Variants in ADAM2 observed in about 807,000 individuals in gnomAD.
The protein encoded by ADAM2 is disintegrin and metalloproteinase domain-containing protein 2.
ADAM2 carries 101 observed loss-of-function variants against 99.3 expected under a neutral mutation model. The ratio of observed to expected loss-of-function variants is 1.02; its 90% CI spans 0.87 to 1.20. The LOEUF (loss-of-function observed/expected upper bound fraction) is 1.20. Among genes scored for constraint, ADAM2 ranks in the 50% most tolerant of loss-of-function variants. The pLI, the probability that ADAM2 is intolerant of heterozygous loss-of-function variation, is 0.00. For missense variants in ADAM2, 948 were observed against 878.7 expected (o/e 1.08, Z -1.00); for synonymous variants, 323 against 287.6 (o/e 1.12, Z -1.25).
At chr8:39,755,014 G>A (rs1208827058) in intron 16 of ADAM2, among the ~76,000 whole-genome samples, 2 of 152,068 alleles carry the variant, frequency 1.3e-5, no homozygotes, top group Admixed American at 6.5e-5. Context: ...TCAGATATGC[G>A]ACTGGATTGA....
intron 6 of ADAM2, among the ~76,000 whole-genome samples, chr8:39,813,400 C>T (rs1416797187): frequency 6.6e-6 from 1 of 152,168 alleles, no homozygotes; most frequent in Non-Finnish European, 1.5e-5. Flanking sequence ...TACCATTTGA[C>T]CCAGCCATCC....
Position 39,777,040 on chromosome 8 carries a change from A to G in ADAM2, c.1013T>C (p.Met338Thr). 1 of 1,578,274 alleles carries G rather than the reference A, an allele frequency of 6.3e-7. No individual in the cohort carries two copies. The highest frequency in any genetic ancestry group is 8.7e-7 in the Non-Finnish European group (1 of 1,148,560). ...GAAATCTTACATTGCTTCTGGATTC[A>G]TAATGCAGACAGCTCCTGAGCACTG... ...KCQCSGAVCI[M>T]NPEAIHFSGV... The change falls in exon 11 of 21, where the codon ATG (methionine) becomes ACG (threonine). Residue 338 changes from methionine (M) to threonine (T), a missense_variant. Coordinates refer to ENST00000265708, the MANE Select transcript of ADAM2 (RefSeq NM_001464.5).
intron 2 of ADAM2, among the ~76,000 whole-genome samples, chr8:39,835,035 T>C (rs1805766011): frequency 6.6e-6 from 1 of 152,194 alleles, no homozygotes; most frequent in Non-Finnish European, 1.5e-5. Flanking sequence ...CATTTTAATT[T>C]AATTACGTCT....
chr8:39,784,187 A>C (rs1803356925), intron 10 of ADAM2, among the ~76,000 whole-genome samples: 1 of 152,182 alleles, frequency 6.6e-6, no homozygotes, highest in Non-Finnish European at 1.5e-5. Context: ...TACTTCTGTG[A>C]ACATTGTTTA....
At chr8:39,745,177 T>C (rs1266399735) in intron 19 of ADAM2, among the ~76,000 whole-genome samples, 1 of 152,234 alleles carries the variant, frequency 6.6e-6, no homozygotes, top group African/African-American at 2.4e-5. Flanking sequence ...GTTAAGTATC[T>C]TTAAACTTTT....
At position 39,788,260 on chromosome 8, in the gene ADAM2, G is replaced by A. The variant is rs952931496; in HGVS notation, c.643-9C>T. 2.7e-6 allele frequency: 4 copies of A among 1,472,116 alleles called. No individual in the cohort carries two copies. Among genetic ancestry groups the A allele is most frequent in the African/African-American group, 1.4e-5 (1 of 69,196 alleles). 91.2% of individuals were successfully genotyped at this position (1,472,116 alleles called of 1,614,324 possible). A position where few individuals can be genotyped will look rare whatever the true frequency, so the allele number is the denominator to read the frequency against. On this transcript the variant is annotated splice_polypyrimidine_tract_variant and intron_variant, in intron 8 of 20. Coordinates refer to ENST00000265708, the MANE Select transcript of ADAM2 (RefSeq NM_001464.5). Reference sequence around the variant, plus strand: ...TTAAATGAAACAAAAATCTAAAATAGAAAACATACAAAAGTGTGCTCAAAA... The same window carrying A: ...TTAAATGAAACAAAAATCTAAAATAAAAAACATACAAAAGTGTGCTCAAAA...
chr8:39,782,703 T>C (rs1803281559), intron 10 of ADAM2, among the ~76,000 whole-genome samples: 2 of 152,162 alleles, frequency 1.3e-5, no homozygotes. Flanking sequence ...ATATGATCTG[T>C]GGTGATCATG....
At chr8:39,759,485 C>G (rs929650630) in intron 15 of ADAM2, among the ~76,000 whole-genome samples, 5 of 152,036 alleles carry the variant, frequency 3.3e-5, no homozygotes, top group South Asian at 4.1e-4. Context: ...TAAAATTACT[C>G]AAAACAATGA....
At chr8:39,781,811 T>G (rs1264368053) in intron 10 of ADAM2, among the ~76,000 whole-genome samples, 1 of 152,218 alleles carries the variant, frequency 6.6e-6, no homozygotes, top group Non-Finnish European at 1.5e-5. Flanking sequence ...CACTACCATT[T>G]TTGATGTTTC....
chr8:39,821,688 C>T, intron 4 of ADAM2, 26 bp from the exon 5 acceptor site: 1 of 1,457,210 alleles, frequency 6.9e-7, no homozygotes, highest in Non-Finnish European at 9.6e-7. Flanking sequence ...CACATATCTC[C>T]ATTAGAATGG....
intron 10 of ADAM2, among the ~76,000 whole-genome samples, chr8:39,784,957 T>C (rs758942102): frequency 6.6e-6 from 1 of 152,216 alleles, no homozygotes; most frequent in African/African-American, 2.4e-5. Flanking sequence ...TATTAGGCCT[T>C]TGTCAGATGT....
chr8:39,806,995 A>C (rs1221222887), intron 7 of ADAM2, among the ~76,000 whole-genome samples: 1 of 152,154 alleles, frequency 6.6e-6, no homozygotes, highest in Non-Finnish European at 1.5e-5. Context: ...AGATACCCTG[A>C]AGGTGATTCA....
At chr8:39,821,395 A>G (rs1407196526) in intron 5 of ADAM2, among the ~76,000 whole-genome samples, 191 bp downstream of exon 5, 1 of 152,212 alleles carries the variant, frequency 6.6e-6, no homozygotes, top group Non-Finnish European at 1.5e-5. Flanking sequence ...GCTTCCAAAT[A>G]TATTTAAAAA....
At chr8:39,819,431 T>C (rs778997832) in intron 6 of ADAM2, among the ~76,000 whole-genome samples, 9 of 152,082 alleles carry the variant, frequency 5.9e-5, no homozygotes, top group Non-Finnish European at 2.9e-5. Context: ...GAATAAATGA[T>C]GTGATATTGG....
intron 7 of ADAM2, among the ~76,000 whole-genome samples, chr8:39,789,133 C>CTAA (rs1803597013): frequency 6.6e-6 from 1 of 151,338 alleles, no homozygotes; most frequent in South Asian, 2.1e-4. Flanking sequence ...AAAAGATATA[C>CTAA]CATACAAACA....
At chr8:39,799,780 C>T (rs116687376) in intron 7 of ADAM2, among the ~76,000 whole-genome samples, 2,654 of 152,216 alleles carry the variant, frequency 0.017, 74 homozygotes, top group African/African-American at 0.061. Flanking sequence ...TCCCTTTACC[C>T]TTATGTAGTG....
intron 11 of ADAM2, among the ~76,000 whole-genome samples, chr8:39,771,794 A>G (rs1057335098): frequency 1.3e-5 from 2 of 152,160 alleles, no homozygotes; most frequent in African/African-American, 4.8e-5. Context: ...ATTACTATCT[A>G]AATACAAGGA....
chr8:39,781,528 T>C (rs1803231582), intron 10 of ADAM2, among the ~76,000 whole-genome samples: 1 of 152,168 alleles, frequency 6.6e-6, no homozygotes, highest in Non-Finnish European at 1.5e-5. Context: ...AAAAATATAG[T>C]TTTGGAAATT....
chr8:39,799,020 T>A (rs151240132), intron 7 of ADAM2, among the ~76,000 whole-genome samples: 2,193 of 151,990 alleles, frequency 0.014, 59 homozygotes, highest in African/African-American at 0.05. Context: ...TTTGGAGGGG[T>A]TTTCATGTCT....
Sources: gnomAD v4.1 joint callset for allele counts (sites outside exome capture counted in the v4.1 genomes callset) on GRCh38, gnomAD v4.1.1 for gene constraint, MANE v1.5 for transcripts, NCBI Gene and HGNC (gene_info 2026-07-23, HGNC 2026-07-21) for gene names.